Variants in TSHZ3 observed in about 807,000 individuals in gnomAD.
TSHZ3 encodes the protein teashirt zinc finger homeobox 3.
Under a neutral mutation model 64.5 loss-of-function variants are expected in TSHZ3, and 10 were observed. The ratio of observed to expected loss-of-function variants is 0.16; its 90% CI spans 0.10 to 0.26. The LOEUF (loss-of-function observed/expected upper bound fraction) is 0.26. Ranked by LOEUF, TSHZ3 falls within the 10% of genes least tolerant of loss-of-function variation. TSHZ3 has a pLI of 1.00. For missense variants in TSHZ3, 1,242 were observed against 1,421.7 expected, an observed-to-expected ratio of 0.87 and a Z score of 2.03; for synonymous variants, 608 against 593.1, an observed-to-expected ratio of 1.03 and a Z score of -0.36.
rs546093533 is a variant in TSHZ3, at chr19:31,170,102, G to A, written n.810-13685C>T. 3.3e-5 allele frequency among the ~76,000 whole-genome samples: 5 copies of A among 152,308 alleles called. No individual in the cohort carries two copies. The South Asian group carries it at 8.3e-4, about 25-fold the overall frequency. On this transcript the variant is annotated intron_variant and non_coding_transcript_variant, in intron 5 of 6. Transcript: ENST00000651361. ...CAGGAGTAGCAAAACTAGCAAGAAG[G>A]TCACTGTTGCTGATTGGGGACAAAT...
Position 31,276,504 on chromosome 19 carries a change from T to C in TSHZ3, c.*43A>G, listed in dbSNP as rs373715798. ...GGGGCCTGAAGGTGCCTTCCACAGT[T>C]TCCCTCAAAGCAAACTGCAGTCCTT... On this transcript the variant is annotated 3_prime_UTR_variant, in exon 2 of 2. Coordinates refer to ENST00000240587, the MANE Select transcript of TSHZ3 (RefSeq NM_020856.4). 1 of 1,511,094 alleles carries C rather than the reference T, an allele frequency of 6.6e-7. No individual in the cohort carries two copies. The highest frequency in any genetic ancestry group is 8.9e-7 in the Non-Finnish European group (1 of 1,127,628). The allele number at this position is 1,511,094 out of a possible 1,614,324, so 93.6% of individuals were successfully genotyped here.
At chr19:31,349,493 A>AGGAGGAGGAGGT (rs1215791445), upstream of TSHZ3, 83 of 324,508 alleles carry the variant, frequency 2.6e-4, no homozygotes, top group East Asian at 3.4e-3. Context: ...GAGGAGGCAG[A>AGGAGGAGGAGGT]GGAGGAGGAG....
At chr19:31,326,511 CGT>C (rs1183190565) in intron 1 of TSHZ3, among the ~76,000 whole-genome samples, 1 of 152,242 alleles carries the variant, frequency 6.6e-6, no homozygotes, top group Admixed American at 6.5e-5. Context: ...CACGTGCCTG[CGT>C]GTGTCTGTGT....
chr19:31,303,094 G>A (rs1279295301), intron 1 of TSHZ3, among the ~76,000 whole-genome samples: 3 of 152,042 alleles, frequency 2.0e-5, no homozygotes, highest in African/African-American at 7.2e-5. Flanking sequence ...TTTCAAATAC[G>A]TTTGAACAAA....
intron 5 of TSHZ3, among the ~76,000 whole-genome samples, chr19:31,186,852 T>C (rs567118220): frequency 2.0e-5 from 3 of 152,354 alleles, no homozygotes; most frequent in Admixed American, 1.3e-4. Flanking sequence ...CAAATATCTT[T>C]GTGAAGTATT....
At chr19:31,170,335 A>T (rs751057117) in intron 5 of TSHZ3, among the ~76,000 whole-genome samples, 4 of 152,082 alleles carry the variant, frequency 2.6e-5, no homozygotes, top group Admixed American at 6.6e-5. Context: ...TTATAAGGGC[A>T]CTAATCTCAT....
At chr19:31,163,953 G>A (rs1015758406) in intron 5 of TSHZ3, among the ~76,000 whole-genome samples, 6 of 152,194 alleles carry the variant, frequency 3.9e-5, no homozygotes, top group East Asian at 1.9e-4. Flanking sequence ...AAGTAAGTGC[G>A]TGTTTATCAT....
At chr19:31,270,494 A>G (rs1485275382), downstream of TSHZ3, among the ~76,000 whole-genome samples, 1 of 152,108 alleles carries the variant, frequency 6.6e-6, no homozygotes, top group Admixed American at 6.6e-5. Flanking sequence ...TATTTTTTGT[A>G]GAGACAGGGT....
At chr19:31,334,100 A>G (rs1917173494) in intron 1 of TSHZ3, among the ~76,000 whole-genome samples, 1 of 152,070 alleles carries the variant, frequency 6.6e-6, no homozygotes, top group Non-Finnish European at 1.5e-5. Flanking sequence ...TCCTTTGCCC[A>G]GCTGACTACG....
chr19:31,185,055 G>A (rs569798424), intron 5 of TSHZ3, among the ~76,000 whole-genome samples: 4 of 151,478 alleles, frequency 2.6e-5, no homozygotes, highest in East Asian at 1.9e-4. Context: ...AGCCTCTAGA[G>A]TTTGAAGGTA....
chr19:31,203,626 C>G (rs1975119536), intron 5 of TSHZ3, among the ~76,000 whole-genome samples: 2 of 152,082 alleles, frequency 1.3e-5, no homozygotes, highest in South Asian at 4.1e-4. Context: ...TCACACCACA[C>G]AGACCCAGTG....
intron 5 of TSHZ3, among the ~76,000 whole-genome samples, chr19:31,177,216 A>T (rs1194854368): frequency 3.3e-5 from 5 of 152,226 alleles, no homozygotes; most frequent in Admixed American, 6.5e-5. Context: ...GCCTTCATAC[A>T]GTGGGTTACT....
At chr19:31,293,152 T>C in intron 1 of TSHZ3, among the ~76,000 whole-genome samples, 1 of 151,344 alleles carries the variant, frequency 6.6e-6, no homozygotes, top group Non-Finnish European at 1.5e-5. Context: ...CACCCACCCA[T>C]CAACAACCCA....
chr19:31,328,964 G>A (rs188441133), intron 1 of TSHZ3, among the ~76,000 whole-genome samples: 15 of 152,214 alleles, frequency 9.9e-5, no homozygotes, highest in East Asian at 5.8e-4. Context: ...TCTCACTTGC[G>A]GAAGAGTTGG....
chr19:31,320,082 T>C (rs1040816037), intron 1 of TSHZ3, among the ~76,000 whole-genome samples: 2 of 152,230 alleles, frequency 1.3e-5, no homozygotes, highest in African/African-American at 4.8e-5. Flanking sequence ...TTTCTCGGGT[T>C]ACATCTGATC....
At chr19:31,180,643 A>C (rs567429535) in intron 5 of TSHZ3, among the ~76,000 whole-genome samples, 2 of 152,326 alleles carry the variant, frequency 1.3e-5, no homozygotes, top group East Asian at 3.9e-4. Flanking sequence ...TCTTCCTGTT[A>C]ATGTTAATTT....
At chr19:31,230,876 G>A (rs1477315976) in intron 3 of TSHZ3, among the ~76,000 whole-genome samples, 1 of 150,696 alleles carries the variant, frequency 6.6e-6, no homozygotes, top group East Asian at 1.9e-4. Flanking sequence ...ATTTTTTTTT[G>A]TATTTTTAGT....
At chr19:31,336,743 C>T (rs868398674) in intron 1 of TSHZ3, among the ~76,000 whole-genome samples, 10 of 152,176 alleles carry the variant, frequency 6.6e-5, no homozygotes, top group Middle Eastern at 3.4e-3. Flanking sequence ...ACCTGAAGAC[C>T]CCAGCCTGTG....
intron 1 of TSHZ3, among the ~76,000 whole-genome samples, chr19:31,245,762 C>T (rs961188434): frequency 1.3e-5 from 2 of 152,166 alleles, no homozygotes; most frequent in Non-Finnish European, 1.5e-5. Flanking sequence ...CTGCCTCTGA[C>T]GGAGTGGTAG....
Sources: gnomAD v4.1 joint callset for allele counts (sites outside exome capture counted in the v4.1 genomes callset) on GRCh38, gnomAD v4.1.1 for gene constraint, MANE v1.5 for transcripts, NCBI Gene and HGNC (gene_info 2026-07-23, HGNC 2026-07-21) for gene names.